Variants in DOK5 observed in about 807,000 individuals in gnomAD.
DOK5 encodes downstream of tyrosine kinase 5.
A neutral mutation model predicts 43.3 loss-of-function variants in DOK5; 27 were observed. That is an observed-to-expected ratio of 0.62 (90% CI 0.46 to 0.86). The LOEUF is 0.86. Ranked by LOEUF, DOK5 falls within the 40% of genes least tolerant of loss-of-function variation. DOK5 has a pLI of 0.00. For missense variants in DOK5, 373 were observed against 392.9 expected (o/e 0.95, Z 0.43); for synonymous variants, 146 against 140.1 (o/e 1.04, Z -0.30).
chr20:54,644,723 A>AAAAAAAC (rs1555839841), intron 7 of DOK5, among the ~76,000 whole-genome samples: 2 of 142,404 alleles, frequency 1.4e-5, no homozygotes, highest in African/African-American at 2.9e-5. Context: ...AAAAAAAAAA[A>AAAAAAAC]ACAAAATTTA....
intron 6 of DOK5, among the ~76,000 whole-genome samples, chr20:54,625,389 G>T (rs1353406662): frequency 6.6e-6 from 1 of 152,194 alleles, no homozygotes; most frequent in Non-Finnish European, 1.5e-5. Context: ...TTGCAGCCTA[G>T]ACGTTTGGCC....
chr20:54,622,684 C>G (rs1186322775), intron 6 of DOK5, among the ~76,000 whole-genome samples: 1 of 152,144 alleles, frequency 6.6e-6, no homozygotes, highest in Non-Finnish European at 1.5e-5. Context: ...ACCTTGATGG[C>G]GGCAAGGCAG....
chr20:54,644,075 G>A (rs1046762285), intron 7 of DOK5, among the ~76,000 whole-genome samples: 3 of 152,206 alleles, frequency 2.0e-5, no homozygotes, highest in Non-Finnish European at 4.4e-5. Flanking sequence ...ATTTGAACAA[G>A]TCCTCCAGGT....
chr20:54,616,446 A>G (rs549796565), intron 6 of DOK5, among the ~76,000 whole-genome samples: 2 of 152,320 alleles, frequency 1.3e-5, no homozygotes, highest in African/African-American at 4.8e-5. Flanking sequence ...GGCAGTGCTG[A>G]TCTTGCATCC....
chr20:54,584,006 C>A (rs891824528), intron 2 of DOK5, among the ~76,000 whole-genome samples: 3 of 151,218 alleles, frequency 2.0e-5, no homozygotes, highest in Non-Finnish European at 4.4e-5. Context: ...AAAAATTAGT[C>A]GAGCACGGTG....
intron 6 of DOK5, among the ~76,000 whole-genome samples, chr20:54,638,026 G>T (rs1349273655): frequency 6.6e-6 from 1 of 151,236 alleles, no homozygotes; most frequent in Non-Finnish European, 1.5e-5. Flanking sequence ...GGAGGCTGAG[G>T]CAGGAGAATG....
intron 2 of DOK5, among the ~76,000 whole-genome samples, chr20:54,581,257 A>G (rs1409979395): frequency 1.3e-5 from 2 of 151,792 alleles, no homozygotes; most frequent in African/African-American, 2.4e-5. Flanking sequence ...TGCCAGTACC[A>G]TATTATTTAG....
Position 54,556,318 on chromosome 20 carries a change from A to G in DOK5, c.174+1278A>G, listed in dbSNP as rs187367469. On this transcript the variant is annotated intron_variant, in intron 2 of 7. Transcript: ENST00000262593. ...AGATTTCCTCTATCATTTATCTGTC[A>G]TATGCCAAATATGAAATGACACTGT... 6.6e-5 allele frequency among the ~76,000 whole-genome samples: 10 copies of G among 152,336 alleles called. No homozygotes were observed. In the East Asian group the frequency reaches 1.9e-3, roughly 29 times the overall value.
At chr20:54,648,320 T>G (rs1979536455) in intron 7 of DOK5, among the ~76,000 whole-genome samples, 1 of 152,122 alleles carries the variant, frequency 6.6e-6, no homozygotes, top group Admixed American at 6.5e-5. Flanking sequence ...TATAATCTAA[T>G]GGAGAGTCAC....
At chr20:54,504,844 T>A (rs1160647137) in intron 1 of DOK5, among the ~76,000 whole-genome samples, 1 of 152,176 alleles carries the variant, frequency 6.6e-6, no homozygotes, top group Non-Finnish European at 1.5e-5. Flanking sequence ...GAAAAAAGCA[T>A]AGTTTGGCTC....
intron 1 of DOK5, among the ~76,000 whole-genome samples, chr20:54,517,221 A>G (rs780199905): frequency 6.6e-6 from 1 of 152,198 alleles, no homozygotes; most frequent in Non-Finnish European, 1.5e-5. Context: ...TTTATCAGCA[A>G]TTGGTTAACC....
intron 2 of DOK5, among the ~76,000 whole-genome samples, chr20:54,565,423 T>A (rs1985062375): frequency 6.6e-6 from 1 of 152,204 alleles, no homozygotes; most frequent in South Asian, 2.1e-4. Context: ...ACAGAAACTA[T>A]GGACAAGAAA....
chr20:54,513,583 T>C (rs1408202408), intron 1 of DOK5, among the ~76,000 whole-genome samples: 1 of 151,782 alleles, frequency 6.6e-6, no homozygotes, highest in African/African-American at 2.4e-5. Context: ...TTGAAAGTAA[T>C]TCAGAAGTGT....
chr20:54,600,487 G>T (rs1057489737), intron 5 of DOK5, among the ~76,000 whole-genome samples: 1 of 152,054 alleles, frequency 6.6e-6, no homozygotes. Context: ...TCACAGCAGG[G>T]CATATAGATT....
At chr20:54,588,422 T>A in intron 2 of DOK5, 61 bp from the exon 3 acceptor site, 1 of 1,393,828 alleles carries the variant, frequency 7.2e-7, no homozygotes, top group Non-Finnish European at 1.0e-6. Context: ...TCACCTTTGG[T>A]GTTGTATACT....
At position 54,539,106 on chromosome 20, in the gene DOK5, G is replaced by C. The variant is rs138892287; in HGVS notation, c.67-15827G>C. Reference sequence around the variant, plus strand: ...GACCAGCCTACCAGCCTGGCTAATAGGGTGAAACGCTGTCTCTACTAAAAA... The same window carrying C: ...GACCAGCCTACCAGCCTGGCTAATACGGTGAAACGCTGTCTCTACTAAAAA... On this transcript the variant is annotated intron_variant, in intron 1 of 7. Coordinates refer to ENST00000262593, the MANE Select transcript of DOK5 (RefSeq NM_018431.5). Among the ~76,000 whole-genome samples, 692 of 151,782 alleles carry C rather than the reference G, an allele frequency of 4.6e-3. 6 individuals carry two copies. Among genetic ancestry groups the C allele is most frequent in the African/African-American group, 0.016 (665 of 41,424 alleles).
intron 1 of DOK5, among the ~76,000 whole-genome samples, chr20:54,501,179 G>T (rs951285169): frequency 5.9e-5 from 9 of 152,042 alleles, no homozygotes; most frequent in African/African-American, 2.2e-4. Context: ...TAGAAATCTG[G>T]CAGTGGGGCT....
intron 6 of DOK5, among the ~76,000 whole-genome samples, chr20:54,628,227 C>T (rs1002254720): frequency 7.2e-5 from 11 of 151,840 alleles, no homozygotes; most frequent in Admixed American, 6.5e-4. Context: ...GTTAAGAATT[C>T]ATTCTTCCTT....
intron 5 of DOK5, among the ~76,000 whole-genome samples, chr20:54,597,003 C>T (rs1260031701): frequency 2.0e-4 from 30 of 152,220 alleles, no homozygotes; most frequent in Admixed American, 2.0e-3. Flanking sequence ...GTGTCAAGCA[C>T]TGCACTTTAC....
Sources: allele counts gnomAD v4.1 joint callset (sites outside exome capture counted in the v4.1 genomes callset), GRCh38; gene constraint gnomAD v4.1.1; transcripts MANE v1.5; gene names NCBI Gene and HGNC (gene_info 2026-07-23, HGNC 2026-07-21).